ROBO2: variants seen among roughly 807,000 people sequenced by gnomAD.
The protein encoded by ROBO2 is roundabout homolog 2.
A neutral mutation model predicts 160.8 loss-of-function variants in ROBO2; 53 were observed. The ratio of observed to expected loss-of-function variants is 0.33; its 90% CI spans 0.26 to 0.41. ROBO2 has a LOEUF of 0.41. Among genes scored for constraint, ROBO2 ranks in the 10% least tolerant of loss-of-function variants. The probability of loss-of-function intolerance (pLI) is 1.00; values close to 1 mark genes in which losing one functional copy is unlikely to be tolerated. For missense variants in ROBO2, 1,577 were observed against 1,722.4 expected, an observed-to-expected ratio of 0.92 and a Z score of 1.49; for synonymous variants, 664 against 611.7, an observed-to-expected ratio of 1.09 and a Z score of -1.26.
At chr3:77,622,583 G>A in intron 23 of ROBO2, 151 bp downstream of exon 24, 3 of 735,286 alleles carry the variant, frequency 4.1e-6, no homozygotes, top group South Asian at 1.8e-5. Flanking sequence ...AATTCAAAAA[G>A]GATTTGGAAA....
intron 2 of ROBO2, among the ~76,000 whole-genome samples, chr3:77,321,766 C>T (rs557001865): frequency 1.2e-4 from 19 of 152,024 alleles, no homozygotes; most frequent in African/African-American, 4.6e-4. Context: ...ACAACTAAGA[C>T]GGGCAAGCGG....
In ROBO2 at chr3:76,631,804, A is replaced by G. The variant is rs577548273; in HGVS notation, c.110-466210A>G. On this transcript the variant is annotated intron_variant, in intron 2 of 26. Transcript: ENST00000487694. ...ATCCCACCTCCCTAGAATGAAGAGG[A>G]GGAGTAGATAAGTAACTTTAAGTAC... Among the ~76,000 whole-genome samples the G allele has an allele frequency of 8.5e-5, 13 of 152,252 alleles. No individual in the cohort carries two copies. The South Asian group carries it at 2.7e-3, about 32-fold the overall frequency.
At chr3:76,347,663 C>A (rs1419661880) in intron 2 of ROBO2, among the ~76,000 whole-genome samples, 1 of 151,642 alleles carries the variant, frequency 6.6e-6, no homozygotes, top group African/African-American at 2.4e-5. Flanking sequence ...ATTCAGCAAC[C>A]CAGAAAGACA....
chr3:76,979,744 TACACACACACAC>T (rs138996245), intron 2 of ROBO2, among the ~76,000 whole-genome samples: 3 of 147,472 alleles, frequency 2.0e-5, no homozygotes, highest in African/African-American at 5.0e-5. Context: ...TTACTTTTCT[TACACACACACAC>T]ACACACACAC....
intron 1 of ROBO2, among the ~76,000 whole-genome samples, chr3:75,916,216 T>C (rs965197651): frequency 6.6e-6 from 1 of 152,244 alleles, no homozygotes; most frequent in Non-Finnish European, 1.5e-5. Context: ...TTGAGAACTT[T>C]AGTTTTCATC....
chr3:76,991,033 A>C (rs2060637948), intron 2 of ROBO2, among the ~76,000 whole-genome samples: 1 of 152,128 alleles, frequency 6.6e-6, no homozygotes. Context: ...CAAACTGGTC[A>C]CTTGTCTTTC....
chr3:75,988,008 A>G (rs1219129441), intron 2 of ROBO2, among the ~76,000 whole-genome samples: 4 of 151,808 alleles, frequency 2.6e-5, no homozygotes, highest in East Asian at 1.9e-4. Context: ...GTTTTTTGCA[A>G]TGTCTTTGTC....
intron 2 of ROBO2, among the ~76,000 whole-genome samples, chr3:76,095,912 T>A (rs1301661756): frequency 3.3e-5 from 5 of 152,128 alleles, no homozygotes; most frequent in African/African-American, 1.2e-4. Context: ...TTTGAAGATA[T>A]TGATGACATT....
intron 2 of ROBO2, among the ~76,000 whole-genome samples, chr3:76,222,036 C>T (rs1308570851): frequency 1.3e-5 from 2 of 152,102 alleles, no homozygotes; most frequent in East Asian, 3.9e-4. Flanking sequence ...GTCTCTACTG[C>T]TGGCAGATTG....
chr3:76,746,271 G>A (rs1383195261), intron 2 of ROBO2, among the ~76,000 whole-genome samples: 2 of 151,602 alleles, frequency 1.3e-5, no homozygotes, highest in South Asian at 2.1e-4. Context: ...CTTTGCTATC[G>A]TGAATAGTGC....
rs1054116912 is a variant in ROBO2, at chr3:77,267,020, C to T, written c.388+168680C>T. On this transcript the variant is annotated intron_variant, in intron 2 of 25. Coordinates refer to ENST00000461745, the Ensembl canonical transcript of ROBO2. ...AAGCGCTTTACTTCTTGTGGGTTATCGACAGCTAGACATATTTTTTCCTCT... is the reference window on the plus strand; with the variant it reads ...AAGCGCTTTACTTCTTGTGGGTTATTGACAGCTAGACATATTTTTTCCTCT... Among the ~76,000 whole-genome samples, 5 of 152,000 alleles carry T rather than the reference C, an allele frequency of 3.3e-5. No homozygotes were observed. In the East Asian group the frequency reaches 7.7e-4, roughly 23 times the overall value.
chr3:76,238,587 T>G (rs1487966517), intron 2 of ROBO2, among the ~76,000 whole-genome samples: 1 of 150,614 alleles, frequency 6.6e-6, no homozygotes, highest in East Asian at 2.0e-4. Context: ...GAGAAGAACA[T>G]GGGGAAAACC....
At chr3:75,931,384 C>T (rs1947526931) in intron 1 of ROBO2, among the ~76,000 whole-genome samples, 1 of 152,084 alleles carries the variant, frequency 6.6e-6, no homozygotes, top group African/African-American at 2.4e-5. Flanking sequence ...CAGGGTCTTT[C>T]TCTGTCACCC....
At chr3:76,723,588 A>T (rs1457417885) in intron 2 of ROBO2, among the ~76,000 whole-genome samples, 1 of 152,138 alleles carries the variant, frequency 6.6e-6, no homozygotes, top group Non-Finnish European at 1.5e-5. Flanking sequence ...ATTCTCATAC[A>T]AAATTCTTTG....
Position 77,040,430 on chromosome 3 carries a change from T to G in ROBO2, c.-356T>G. Reference sequence around the variant, plus strand: ...GTCTTTTCCTCCCCCTTCATCATCTTGACTTCTGAAGGAAGAACTTGGCTT... The same window carrying G: ...GTCTTTTCCTCCCCCTTCATCATCTGGACTTCTGAAGGAAGAACTTGGCTT... On this transcript the variant is annotated 5_prime_UTR_variant, in exon 1 of 26. The change abolishes the stop of an existing upstream ORF in the 5' untranslated region. Transcript: ENST00000461745. 3.8e-6 allele frequency: 4 copies of G among 1,058,190 alleles called. No individual in the cohort carries two copies. Among genetic ancestry groups the G allele is most frequent in the Non-Finnish European group, 4.6e-6 (4 of 877,626 alleles). 65.6% of individuals were successfully genotyped at this position (1,058,190 alleles called of 1,614,324 possible).
intron 2 of ROBO2, among the ~76,000 whole-genome samples, chr3:76,654,990 A>G (rs1317487094): frequency 6.7e-6 from 1 of 150,254 alleles, no homozygotes; most frequent in Non-Finnish European, 1.5e-5. Flanking sequence ...ATACCTTAAT[A>G]TTCACTTGAT....
intron 2 of ROBO2, among the ~76,000 whole-genome samples, chr3:77,011,410 T>C (rs2061915635): frequency 6.6e-6 from 1 of 152,256 alleles, no homozygotes; most frequent in South Asian, 2.1e-4. Flanking sequence ...GTGTCAAGTA[T>C]CTTCAGCTTA....
At chr3:76,301,274 A>G (rs1292047267) in intron 2 of ROBO2, among the ~76,000 whole-genome samples, 1 of 152,144 alleles carries the variant, frequency 6.6e-6, no homozygotes, top group Non-Finnish European at 1.5e-5. Flanking sequence ...TAGTTTTTAA[A>G]GAATCATTTC....
chr3:76,603,319 G>A (rs1326193457), intron 2 of ROBO2, among the ~76,000 whole-genome samples: 76 of 94,950 alleles, frequency 8.0e-4, no homozygotes, highest in African/African-American at 3.3e-3. Flanking sequence ...GTGACAGAGC[G>A]AGACTCCATC....
Sources: allele counts gnomAD v4.1 joint callset (sites outside exome capture counted in the v4.1 genomes callset), GRCh38; gene constraint gnomAD v4.1.1; transcripts MANE v1.5; gene names NCBI Gene and HGNC (gene_info 2026-07-23, HGNC 2026-07-21).